Variants in EML2 observed in about 807,000 individuals in gnomAD.
EML2 encodes echinoderm microtubule-associated protein-like 2.
A neutral mutation model predicts 84.7 loss-of-function variants in EML2; 59 were observed. The observed-to-expected ratio is 0.70, with a 90% CI of 0.56 to 0.86. EML2 has a LOEUF of 0.86. Ranked by LOEUF, EML2 falls within the 40% of genes least tolerant of loss-of-function variation. The probability of loss-of-function intolerance (pLI) is 0.00; values close to 1 mark genes in which losing one functional copy is unlikely to be tolerated. For synonymous variants in EML2, 352 were observed against 348.9 expected (o/e 1.01, Z -0.10); for missense variants, 818 against 855.6 (o/e 0.96, Z 0.55).
chr19:45,632,737 CAG>C (rs1973208119), intron 6 of EML2, 122 bp downstream of exon 6: 1 of 797,296 alleles, frequency 1.3e-6, no homozygotes, highest in Non-Finnish European at 2.0e-6. Flanking sequence ...TGTGACGTCA[CAG>C]AGGCGGGCCA....
chr19:45,610,986 C>T (rs756097665), intron 18 of EML2, among the ~76,000 whole-genome samples: 1 of 152,162 alleles, frequency 6.6e-6, no homozygotes, highest in African/African-American at 2.4e-5. Context: ...TAGTTTGGAC[C>T]CTGGTTCAAA....
chr19:45,627,721 C>A (rs910914438), intron 7 of EML2, among the ~76,000 whole-genome samples: 2 of 152,202 alleles, frequency 1.3e-5, no homozygotes, highest in Admixed American at 1.3e-4. Context: ...AATCCTCCAT[C>A]TCCCTGTGAG....
At chr19:45,616,949 C>G (rs1195101008) in intron 13 of EML2, 96 bp from the exon 14 acceptor site, 6 of 924,296 alleles carry the variant, frequency 6.5e-6, no homozygotes, top group Non-Finnish European at 1.0e-5. Flanking sequence ...TCAGAGGGAC[C>G]CCAGAAGTGA....
chr19:45,642,668 A>G (rs1396632345), upstream of EML2: 3 of 509,086 alleles, frequency 5.9e-6, no homozygotes, highest in Non-Finnish European at 8.4e-6. Flanking sequence ...TTAAGATGCT[A>G]TGACTAAGAC....
chr19:45,633,204 G>A (rs563869472), intron 4 of EML2, 65 bp from the exon 5 acceptor site: 12 of 1,504,046 alleles, frequency 8.0e-6, no homozygotes, highest in Non-Finnish European at 1.1e-5. Context: ...AGAGACCCAG[G>A]ACATTCATTC....
At chr19:45,628,333 A>G (rs1339015824) in intron 7 of EML2, among the ~76,000 whole-genome samples, 2 of 148,348 alleles carry the variant, frequency 1.3e-5, no homozygotes, top group Non-Finnish European at 3.0e-5. Context: ...ATGCCATTAC[A>G]CTCCAGCCTG....
rs147268306 is a variant in EML2, at chr19:45,616,819, C to T, written c.1357G>A (p.Val453Met). ...TCATTGCCGTCTGTGTGGATAGCCACCAGGTCATGGGTCTCCGTGTCCAGC... is the reference window on the plus strand; with the variant it reads ...TCATTGCCGTCTGTGTGGATAGCCATCAGGTCATGGGTCTCCGTGTCCAGC... The part of the protein sequence containing the change: ...LLLDTETHDL[V>M]AIHTDGNEQI... Residue 453 changes from valine (V) to methionine (M), a missense_variant, in exon 14 of 19, where the codon GTG becomes ATG. Coordinates refer to ENST00000245925, the MANE Select transcript of EML2 (RefSeq NM_012155.4). 297 of 1,613,306 alleles carry T rather than the reference C, an allele frequency of 1.8e-4. No individual in the cohort carries two copies. Among genetic ancestry groups the T allele is most frequent in the Non-Finnish European group, 2.3e-4 (266 of 1,179,942 alleles).
intron 6 of EML2, among the ~76,000 whole-genome samples, chr19:45,630,713 T>C (rs1020699776): frequency 3.9e-5 from 6 of 152,198 alleles, no homozygotes; most frequent in African/African-American, 1.4e-4. Flanking sequence ...CCTCAGCTAT[T>C]GTTTCTCTGC....
At position 45,634,437 on chromosome 19, in the gene EML2, G is replaced by T; in HGVS notation, c.214C>A (p.Leu72Ile). 1 of 1,613,784 alleles carries T rather than the reference G, an allele frequency of 6.2e-7. No homozygotes were observed. The highest frequency in any genetic ancestry group is 8.5e-7 in the Non-Finnish European group (1 of 1,179,904). ...GYRGRDCRAN[L>I]YLLPTGEIVY... ...ATCTCCCCGGTGGGCAGCAAATAAA[G>T]GTTGGCCCGGCAGTCTCGGCCACGG... The change falls in exon 4 of 19, where the codon CTT (leucine) becomes ATT (isoleucine). Residue 72 changes from leucine (L) to isoleucine (I), a missense_variant. Physicochemically the swap from Leu to Ile is conservative, Grantham distance 5. Transcript: ENST00000245925.
chr19:45,640,929 C>G (rs1336678343), upstream of EML2: 1 of 152,906 alleles, frequency 6.5e-6, no homozygotes, highest in East Asian at 1.9e-4. Flanking sequence ...AACCCTGTCC[C>G]TGAGTTGACT....
At chr19:45,612,911 GT>G (rs1169101517) in intron 18 of EML2, among the ~76,000 whole-genome samples, 1 of 150,238 alleles carries the variant, frequency 6.7e-6, no homozygotes, top group Non-Finnish European at 1.5e-5. Flanking sequence ...TTTTGTCTTT[GT>G]TTTGAGACAA....
At chr19:45,635,881 C>T (rs1349486844) in intron 3 of EML2, among the ~76,000 whole-genome samples, 9 of 151,576 alleles carry the variant, frequency 5.9e-5, no homozygotes, top group Middle Eastern at 3.5e-3. Flanking sequence ...CATGAGCCAC[C>T]GCGCCCGGGC....
chr19:45,639,013 T>C lies in EML2; in HGVS notation c.21-140A>G, dbSNP rs771429781. On this transcript the variant is annotated intron_variant, in intron 1 of 18. Transcript: ENST00000245925. ...AGTAAGGGGCAGAGCGCTGCCTCTC[T>C]GCAGGCCGTGTGCTTTGCTCGGTTG... 20 of 995,590 alleles carry C rather than the reference T, an allele frequency of 2.0e-5. No individual in the cohort carries two copies. In the East Asian group the frequency reaches 4.8e-4, roughly 24 times the overall value. The allele number at this position is 995,590 out of a possible 1,614,324, so 61.7% of individuals were successfully genotyped here. A position where few individuals can be genotyped will look rare whatever the true frequency, so the allele number is the denominator to read the frequency against.
In EML2 at chr19:45,625,862, CTGTTTT is replaced by C. The variant is rs376100577; in HGVS notation, c.741+837_741+842del. On this transcript the variant is annotated intron_variant, in intron 8 of 18. Coordinates refer to ENST00000245925, the MANE Select transcript of EML2 (RefSeq NM_012155.4). ...CATCATATCGACAACCGCAGCACCC[CTGTTTT>C]TGTTTTTGTTTTTGTTTTTGTTTTT... Among the ~76,000 whole-genome samples, 271 of 140,654 alleles carry C rather than the reference CTGTTTT, an allele frequency of 1.9e-3. 3 individuals are homozygous for C. The highest frequency in any genetic ancestry group is 7.2e-3 in the African/African-American group (222 of 30,716). 92.3% of individuals were successfully genotyped at this position (140,654 alleles called of 152,430 possible).
chr19:45,635,313 A>G (rs1421577851), intron 3 of EML2, among the ~76,000 whole-genome samples: 1 of 151,566 alleles, frequency 6.6e-6, no homozygotes, highest in Non-Finnish European at 1.5e-5. Context: ...TAATTTTTGT[A>G]TTTTTAGTAG....
intron 7 of EML2, among the ~76,000 whole-genome samples, chr19:45,628,349 C>G (rs1395533392): frequency 2.0e-5 from 3 of 150,012 alleles, no homozygotes; most frequent in Non-Finnish European, 4.4e-5. Context: ...GCCTGGGTGA[C>G]AGGGCGAGAC....
Position 45,633,131 on chromosome 19 carries a change from A to G in EML2, c.338T>C (p.Ile113Thr), listed in dbSNP as rs781551226. 4 of 1,605,732 alleles carry G rather than the reference A, an allele frequency of 2.5e-6. No homozygotes were observed. Among genetic ancestry groups the G allele is most frequent in the Non-Finnish European group, 3.4e-6 (4 of 1,176,548 alleles). The change falls in exon 5 of 19, where the codon ATC becomes ACC. Residue 113 changes from isoleucine to threonine, a missense_variant. Coordinates refer to ENST00000245925, the MANE Select transcript of EML2 (RefSeq NM_012155.4). The part of the protein sequence containing the change: ...GHNDDIKCLA[I>T]HPDMVTIATG... ...GGCGATGGTGACCATATCTGGGTGGATGGCCAAGCTGCGGAAAGAAGGGAC... is the reference window on the plus strand; with the variant it reads ...GGCGATGGTGACCATATCTGGGTGGGTGGCCAAGCTGCGGAAAGAAGGGAC...
rs568895975 is a variant in EML2 at position 45,609,509 on chromosome 19, G to A, written c.*154C>T. The A allele has an allele frequency of 4.0e-5, 34 of 840,330 alleles. No homozygotes were observed. Among genetic ancestry groups the A allele is most frequent in the East Asian group, 2.4e-4 (7 of 29,756 alleles). 52.1% of individuals were successfully genotyped at this position (840,330 alleles called of 1,614,324 possible). On this transcript the variant is annotated 3_prime_UTR_variant, in exon 19 of 19. Transcript: ENST00000245925. Reference sequence around the variant, plus strand: ...GCGATGTGACTCCCTCTTCCCACCCGGATAAATAGAGACTTCTGTATGTCA... The same window carrying A: ...GCGATGTGACTCCCTCTTCCCACCCAGATAAATAGAGACTTCTGTATGTCA...
intron 18 of EML2, among the ~76,000 whole-genome samples, chr19:45,613,219 A>G (rs2334253): frequency 0.51 from 78,002 of 152,038 alleles, 22,202 homozygotes; most frequent in African/African-American, 0.77. Flanking sequence ...TTAAAAACTC[A>G]TAAGATCTGG....
Sources: allele counts gnomAD v4.1 joint callset (sites outside exome capture counted in the v4.1 genomes callset), GRCh38; gene constraint gnomAD v4.1.1; transcripts MANE v1.5; gene names NCBI Gene and HGNC (gene_info 2026-07-23, HGNC 2026-07-21).